Variants in ATP9B observed in about 807,000 individuals in gnomAD.
The protein encoded by ATP9B is ATPase phospholipid transporting 9B.
In ATP9B, 110 loss-of-function variants were observed where a neutral mutation model predicts 146.1. That is an observed-to-expected ratio of 0.75 (90% confidence interval 0.65 to 0.88). The LOEUF is 0.88. Among genes scored for constraint, ATP9B ranks in the 40% least tolerant of loss-of-function variants. The probability of loss-of-function intolerance (pLI) is 0.00; values close to 1 mark genes in which losing one functional copy is unlikely to be tolerated. For missense variants in ATP9B, 1,499 were observed against 1,496.4 expected (o/e 1.00, Z -0.03); for synonymous variants, 604 against 569.7 (o/e 1.06, Z -0.86).
intron 7 of ATP9B, among the ~76,000 whole-genome samples, chr18:79,157,396 C>CAAAAAAAAAAAAAAAA (rs147316668): frequency 6.2e-5 from 3 of 48,584 alleles, no homozygotes; most frequent in African/African-American, 3.0e-4. Context: ...AACTCCATCT[C>CAAAAAAAAAAAAAAAA]AAAAAAAAAA....
chr18:79,101,935 CTTTTT>C (rs2075307569), intron 2 of ATP9B, among the ~76,000 whole-genome samples: 1 of 150,808 alleles, frequency 6.6e-6, no homozygotes, highest in Non-Finnish European at 1.5e-5. Flanking sequence ...TCTTTCTTTC[CTTTTT>C]ATTTTATTTT....
At chr18:79,122,511 G>C (rs775620651) in intron 4 of ATP9B, among the ~76,000 whole-genome samples, 1 of 152,128 alleles carries the variant, frequency 6.6e-6, no homozygotes, top group Non-Finnish European at 1.5e-5. Flanking sequence ...AGGAAATATA[G>C]CATTTCATCA....
intron 14 of ATP9B, among the ~76,000 whole-genome samples, 161 bp downstream of exon 14, chr18:79,303,877 G>A (rs1352155359): frequency 1.3e-5 from 2 of 152,150 alleles, no homozygotes; most frequent in Admixed American, 6.5e-5. Context: ...TCAGGAAATC[G>A]TCTTTGATGA....
At chr18:79,150,933 G>C (rs2094679392) in intron 6 of ATP9B, among the ~76,000 whole-genome samples, 1 of 152,132 alleles carries the variant, frequency 6.6e-6, no homozygotes, top group Non-Finnish European at 1.5e-5. Flanking sequence ...CATGATCATT[G>C]TTGAAACGTA....
chr18:79,334,192 C>T (rs2096807333), intron 17 of ATP9B, among the ~76,000 whole-genome samples: 1 of 151,952 alleles, frequency 6.6e-6, no homozygotes, highest in South Asian at 2.1e-4. Context: ...CCCGTCTCTA[C>T]TAAAAATACA....
In ATP9B at chr18:79,285,686, C is replaced by A. The variant is rs568459908; in HGVS notation, c.1411+8490C>A. Among the ~76,000 whole-genome samples, 33 of 152,284 alleles carry A rather than the reference C, an allele frequency of 2.2e-4. No individual in the cohort carries two copies. In the South Asian group the frequency reaches 5.6e-3, roughly 26 times the overall value. ...CTTTTGGTGTTTTAGACATGAAGTCCTTGCCCACGCCTATGCCCTGAATGG... is the reference window on the plus strand; with the variant it reads ...CTTTTGGTGTTTTAGACATGAAGTCATTGCCCACGCCTATGCCCTGAATGG... On this transcript the variant is annotated intron_variant, in intron 13 of 29. Transcript: ENST00000426216.
chr18:79,218,173 G>A (rs1320559724), intron 11 of ATP9B, among the ~76,000 whole-genome samples: 1 of 150,216 alleles, frequency 6.7e-6, no homozygotes, highest in Non-Finnish European at 1.5e-5. Context: ...CTCATGTTCT[G>A]TATCTGGCAC....
chr18:79,107,528 C>T (rs1302964957), intron 2 of ATP9B, among the ~76,000 whole-genome samples: 2 of 152,024 alleles, frequency 1.3e-5, no homozygotes, highest in African/African-American at 2.4e-5. Context: ...CCTCCGTGGG[C>T]GGCATTGTGC....
chr18:79,125,941 C>T (rs184024693), intron 4 of ATP9B, among the ~76,000 whole-genome samples: 4 of 151,956 alleles, frequency 2.6e-5, no homozygotes, highest in Admixed American at 1.3e-4. Context: ...ATTTGAATGC[C>T]CAAGTATTCT....
At chr18:79,231,778 GTATATATATATA>G (rs781387419) in intron 11 of ATP9B, among the ~76,000 whole-genome samples, 3 of 121,296 alleles carry the variant, frequency 2.5e-5, no homozygotes, top group Non-Finnish European at 5.0e-5. Flanking sequence ...GTGTGTGTGT[GTATATATATATA>G]TATATATATA....
chr18:79,222,258 C>T (rs1319045376), intron 11 of ATP9B, among the ~76,000 whole-genome samples: 1 of 152,026 alleles, frequency 6.6e-6, no homozygotes. Flanking sequence ...ACTCAGGAGG[C>T]TGAGGCAAGA....
In ATP9B at chr18:79,217,442, C is replaced by T. The variant is rs8091853; in HGVS notation, c.1107+3404C>T. 3.2e-3 allele frequency among the ~76,000 whole-genome samples: 480 copies of T among 152,336 alleles called. 2 individuals are homozygous for T. Among genetic ancestry groups the T allele is most frequent in the African/African-American group, 0.011 (467 of 41,582 alleles). On this transcript the variant is annotated intron_variant, in intron 11 of 29. Transcript: ENST00000426216. ...CTCGTGATCCGCCCGCCTCTGCCTC[C>T]CAAAGTGCTGGGATTACAGGCGTGA...
At chr18:79,327,310 G>A (rs2096752999) in intron 15 of ATP9B, among the ~76,000 whole-genome samples, 1 of 152,218 alleles carries the variant, frequency 6.6e-6, no homozygotes, top group African/African-American at 2.4e-5. Flanking sequence ...GACTCACCCA[G>A]GCTGTGAGGG....
chr18:79,377,712 C>A lies in ATP9B; in HGVS notation c.*329C>A. 3.3e-6 allele frequency: 1 copy of A among 298,836 alleles called. No individual in the cohort carries two copies. The highest frequency in any genetic ancestry group is 6.5e-6 in the Non-Finnish European group (1 of 154,982). 18.5% of individuals were successfully genotyped at this position (298,836 alleles called of 1,614,324 possible). Reference sequence around the variant, plus strand: ...GTGCAGGGACGTCACCCCTGCCAGGCAAGCCCAGGGCACAGAGGCCGGGAC... The same window carrying A: ...GTGCAGGGACGTCACCCCTGCCAGGAAAGCCCAGGGCACAGAGGCCGGGAC... On this transcript the variant is annotated 3_prime_UTR_variant, in exon 30 of 30. Coordinates refer to ENST00000426216, the MANE Select transcript of ATP9B (RefSeq NM_198531.5).
chr18:79,210,442 T>C (rs2095573899), intron 10 of ATP9B, among the ~76,000 whole-genome samples: 1 of 152,150 alleles, frequency 6.6e-6, no homozygotes, highest in African/African-American at 2.4e-5. Context: ...TGTGTCTCTG[T>C]GTCTCAGCCA....
chr18:79,097,406 T>G (rs935624220), intron 2 of ATP9B, among the ~76,000 whole-genome samples: 33 of 151,814 alleles, frequency 2.2e-4, no homozygotes, highest in African/African-American at 7.0e-4. Context: ...ACTAGGTTGA[T>G]TACTTCATTC....
At chr18:79,092,144 C>G (rs1005133316) in intron 1 of ATP9B, among the ~76,000 whole-genome samples, 2 of 152,012 alleles carry the variant, frequency 1.3e-5, no homozygotes, top group Admixed American at 1.3e-4. Context: ...TGTTAAATAC[C>G]ATTAATACTT....
At chr18:79,227,622 G>T (rs570879824) in intron 11 of ATP9B, among the ~76,000 whole-genome samples, 260 of 152,326 alleles carry the variant, frequency 1.7e-3, no homozygotes, top group Non-Finnish European at 3.0e-3. Flanking sequence ...TCATTACACT[G>T]AATATGTTTA....
intron 13 of ATP9B, among the ~76,000 whole-genome samples, chr18:79,301,150 G>A (rs1259064260): frequency 1.3e-5 from 2 of 152,168 alleles, no homozygotes; most frequent in Non-Finnish European, 2.9e-5. Context: ...TCTTTTAACT[G>A]TTGGCAGTGA....
Sources: allele counts gnomAD v4.1 joint callset (sites outside exome capture counted in the v4.1 genomes callset), GRCh38; gene constraint gnomAD v4.1.1; transcripts MANE v1.5; gene names NCBI Gene and HGNC (gene_info 2026-07-23, HGNC 2026-07-21).